ORC5: variants seen among roughly 807,000 people sequenced by gnomAD.
ORC5 encodes the protein protein phosphatase 1, regulatory subunit 117.
In ORC5, 39 loss-of-function variants were observed where a neutral mutation model predicts 58.8. The observed-to-expected ratio is 0.66, with a 90% CI of 0.51 to 0.87. The LOEUF is 0.87. Ranked by LOEUF, ORC5 falls within the 40% of genes least tolerant of loss-of-function variation. The pLI, the probability that ORC5 is intolerant of heterozygous loss-of-function variation, is 0.00. For synonymous variants in ORC5, 218 were observed against 177.6 expected, an observed-to-expected ratio of 1.23 and a Z score of -1.81; for missense variants, 493 against 506.3, an observed-to-expected ratio of 0.97 and a Z score of 0.25.
At chr7:104,150,417 C>T (rs137879108) in intron 12 of ORC5, among the ~76,000 whole-genome samples, 3,370 of 152,038 alleles carry the variant, frequency 0.022, 128 homozygotes, top group African/African-American at 0.077. Context: ...CGGTTCATGG[C>T]ATATATTGAG....
At chr7:104,162,952 T>C (rs1329177734) in intron 11 of ORC5, among the ~76,000 whole-genome samples, 1 of 152,206 alleles carries the variant, frequency 6.6e-6, no homozygotes, top group Admixed American at 6.5e-5. Flanking sequence ...AATGATATCA[T>C]TTGGAACATA....
At chr7:104,194,025 C>A (rs1799738176) in intron 5 of ORC5, among the ~76,000 whole-genome samples, 1 of 149,040 alleles carries the variant, frequency 6.7e-6, no homozygotes, top group Non-Finnish European at 1.5e-5. Context: ...TTCTTAAATT[C>A]TAAATAATTT....
rs1374678982 is a variant in ORC5 at position 104,207,912 on chromosome 7, G to A, written c.-8C>T. On this transcript the variant is annotated 5_prime_UTR_variant, in exon 1 of 14. Transcript: ENST00000297431. ...GTTTTCCAAGTGGGGCATTCTGGCAGGCACCACCGCAGAGGCCAGTGCAGC... is the reference window on the plus strand; with the variant it reads ...GTTTTCCAAGTGGGGCATTCTGGCAAGCACCACCGCAGAGGCCAGTGCAGC... The A allele has an allele frequency of 1.2e-6, 2 of 1,613,846 alleles. No individual in the cohort carries two copies. Among genetic ancestry groups the A allele is most frequent in the South Asian group, 1.1e-5 (1 of 91,074 alleles).
intron 6 of ORC5, among the ~76,000 whole-genome samples, chr7:104,185,964 A>G (rs934381645): frequency 2.7e-4 from 41 of 152,262 alleles, no homozygotes; most frequent in African/African-American, 9.9e-4. Flanking sequence ...TTCATAAAAA[A>G]CAATGATTTA....
chr7:104,157,306 T>C (rs1031084588), intron 12 of ORC5, among the ~76,000 whole-genome samples: 1 of 152,024 alleles, frequency 6.6e-6, no homozygotes, highest in African/African-American at 2.4e-5. Flanking sequence ...GTTGCATCTA[T>C]CTCTACCTAC....
In ORC5 at chr7:104,204,144, C is replaced by T; in HGVS notation, c.163G>A (p.Glu55Lys). 1 of 1,519,538 alleles carries T rather than the reference C, an allele frequency of 6.6e-7. No homozygotes were observed. Among genetic ancestry groups the T allele is most frequent in the East Asian group, 2.3e-5 (1 of 44,040 alleles). The allele number at this position is 1,519,538 out of a possible 1,614,324, so 94.1% of individuals were successfully genotyped here. A position where few individuals can be genotyped will look rare whatever the true frequency, so the allele number is the denominator to read the frequency against. Residue 55 changes from glutamate to lysine, a missense_variant and splice_region_variant, in exon 2 of 14, where the codon GAG becomes AAG. Coordinates refer to ENST00000297431, the MANE Select transcript of ORC5 (RefSeq NM_002553.4). Reference protein sequence around the residue: ...YVTQTLLKTLELPHVFVNCVE... With the variant: ...YVTQTLLKTLKLPHVFVNCVE... ...ATATTTAATATTTTTATTCTTACCT[C>T]TAAAGTTTTCAACAACGTTTGTGTT...
intron 5 of ORC5, among the ~76,000 whole-genome samples, chr7:104,188,707 T>C (rs1799604675): frequency 6.6e-6 from 1 of 152,150 alleles, no homozygotes; most frequent in Non-Finnish European, 1.5e-5. Flanking sequence ...AGGTGTTTCT[T>C]GATGGGTGAT....
chr7:104,148,928 G>C (rs549353835), intron 12 of ORC5, among the ~76,000 whole-genome samples: 1 of 152,170 alleles, frequency 6.6e-6, no homozygotes, highest in Admixed American at 6.5e-5. Flanking sequence ...CAGCTATTTG[G>C]GAGGCTGAGG....
chr7:104,131,456 CCTT>C (rs1164028772), intron 13 of ORC5, among the ~76,000 whole-genome samples: 4 of 152,192 alleles, frequency 2.6e-5, no homozygotes, highest in African/African-American at 9.7e-5. Flanking sequence ...CATTAACTCT[CCTT>C]CTCTATCTGT....
chr7:104,201,284 G>C (rs891224014), intron 2 of ORC5, among the ~76,000 whole-genome samples: 2 of 152,020 alleles, frequency 1.3e-5, no homozygotes, highest in East Asian at 1.9e-4. Context: ...GATCAAGTTG[G>C]ACAGCCCCTC....
At chr7:104,202,251 T>A (rs551423239) in intron 2 of ORC5, 1 of 191,898 alleles carries the variant, frequency 5.2e-6, no homozygotes, top group Non-Finnish European at 1.1e-5. Context: ...CTGAGGAAGA[T>A]AACTTGTGGC....
In ORC5 at chr7:104,204,236, T is replaced by G; in HGVS notation, c.73-2A>C. 6.4e-7 allele frequency: 1 copy of G among 1,559,980 alleles called. No individual in the cohort carries two copies. Among genetic ancestry groups the G allele is most frequent in the Non-Finnish European group, 8.8e-7 (1 of 1,138,726 alleles). On this transcript the variant is annotated splice_acceptor_variant, in intron 1 of 13. Coordinates refer to ENST00000297431, the MANE Select transcript of ORC5 (RefSeq NM_002553.4). LOFTEE classifies it high-confidence loss of function. ...GGATGGAAAGCTGAAATGATGTCTC[T>G]AACGAGAGAAAAGACAAATATGAGG...
At chr7:104,149,050 A>C (rs1010476468) in intron 12 of ORC5, among the ~76,000 whole-genome samples, 72 of 142,170 alleles carry the variant, frequency 5.1e-4, no homozygotes, top group African/African-American at 1.7e-3. Flanking sequence ...AAAAAAAAAA[A>C]GTAAATTTAA....
At chr7:104,184,276 T>TA (rs11384924) in intron 6 of ORC5, 105 bp from the exon 7 acceptor site, 510,580 of 722,408 alleles carry the variant, frequency 0.71, 184,171 homozygotes, top group Non-Finnish European at 0.76. Flanking sequence ...AAATTTTACT[T>TA]AACACATTTG....
intron 5 of ORC5, among the ~76,000 whole-genome samples, chr7:104,192,738 C>A (rs1310209312): frequency 6.6e-6 from 1 of 151,212 alleles, no homozygotes; most frequent in Non-Finnish European, 1.5e-5. Flanking sequence ...AATTAGTACA[C>A]AAGAAAATTA....
At chr7:104,161,649 C>T (rs967083179) in intron 11 of ORC5, among the ~76,000 whole-genome samples, 2 of 152,180 alleles carry the variant, frequency 1.3e-5, no homozygotes, top group Admixed American at 6.5e-5. Flanking sequence ...GTTAGAATTA[C>T]AGGCATGAGC....
chr7:104,184,802 GA>G (rs1230881700), intron 6 of ORC5, among the ~76,000 whole-genome samples: 2 of 151,938 alleles, frequency 1.3e-5, no homozygotes, highest in Non-Finnish European at 2.9e-5. Context: ...TAACTCTCAA[GA>G]AAGAGACTTG....
chr7:104,160,310 C>T (rs1041365525), intron 12 of ORC5, among the ~76,000 whole-genome samples: 1 of 152,148 alleles, frequency 6.6e-6, no homozygotes, highest in Admixed American at 6.5e-5. Flanking sequence ...TTAATTAAAA[C>T]GCAGGCATTA....
chr7:104,186,209 ATTTT>A (rs779566156), intron 6 of ORC5, among the ~76,000 whole-genome samples: 3 of 146,948 alleles, frequency 2.0e-5, no homozygotes, highest in African/African-American at 7.4e-5. Flanking sequence ...TTGTCTACAG[ATTTT>A]TTTTTTTTTC....
Sources: allele counts gnomAD v4.1 joint callset (sites outside exome capture counted in the v4.1 genomes callset), GRCh38; gene constraint gnomAD v4.1.1; transcripts MANE v1.5; gene names NCBI Gene and HGNC (gene_info 2026-07-23, HGNC 2026-07-21).